The following DOCK2 variants were observed in gnomAD, a reference collection of about 807,000 sequenced individuals.
The protein encoded by DOCK2 is dedicator of cytokinesis protein 2.
In DOCK2, 87 loss-of-function variants were observed where a neutral mutation model predicts 248.9. The observed-to-expected ratio is 0.35, with a 90% CI of 0.29 to 0.42. The LOEUF (loss-of-function observed/expected upper bound fraction) is 0.42, where lower values mean the gene tolerates loss of function less well. DOCK2 is among the 10% of genes least tolerant of loss of function. The pLI is 1.00. For synonymous variants in DOCK2, 805 were observed against 821.6 expected, an observed-to-expected ratio of 0.98 and a Z score of 0.35; for missense variants, 1,747 against 2,300.2, an observed-to-expected ratio of 0.76 and a Z score of 4.92.
intron 27 of DOCK2, among the ~76,000 whole-genome samples, chr5:169,950,737 T>G (rs1180649850): frequency 1.3e-5 from 2 of 152,192 alleles, no homozygotes; most frequent in Non-Finnish European, 2.9e-5. Flanking sequence ...ACAGCATCAT[T>G]TGATCTCTTA....
intron 45 of DOCK2, 116 bp downstream of exon 45, chr5:170,067,802 C>CT: frequency 1.7e-6 from 2 of 1,165,100 alleles, no homozygotes; most frequent in Non-Finnish European, 2.4e-6. Context: ...GTCCTTGTCC[C>CT]CAGAGGGACC....
intron 2 of DOCK2, among the ~76,000 whole-genome samples, chr5:169,659,682 G>C (rs1271769399): frequency 6.6e-6 from 1 of 152,172 alleles, no homozygotes; most frequent in Non-Finnish European, 1.5e-5. Flanking sequence ...GCCATGCTAA[G>C]CCTTAGACAT....
At chr5:170,021,476 T>G (rs1291042517) in intron 33 of DOCK2, among the ~76,000 whole-genome samples, 1 of 152,180 alleles carries the variant, frequency 6.6e-6, no homozygotes, top group East Asian at 1.9e-4. Flanking sequence ...GTTGCCTGGA[T>G]TGTGACCTGA....
Position 169,684,334 on chromosome 5 carries a change from A to G in DOCK2, c.745A>G (p.Lys249Glu), listed in dbSNP as rs759880415. ...CTTCATGTCTCTCTACGACCCCAAC[A>G]AGCAAACGGTCATAAGGTAGGTGTG... ...ELFMSLYDPN[K>E]QTVISENYLV... Residue 249 changes from lysine (K) to glutamate (E), a missense_variant, in exon 8 of 52, where the codon AAG becomes GAG. Coordinates refer to ENST00000520908, the MANE Select transcript of DOCK2 (RefSeq NM_004946.3). 6.2e-7 allele frequency: 1 copy of G among 1,614,156 alleles called. No individual in the cohort carries two copies.
At chr5:170,053,720 T>C (rs61452005) in intron 41 of DOCK2, among the ~76,000 whole-genome samples, 14,528 of 152,244 alleles carry the variant, frequency 0.095, 1,319 homozygotes, top group East Asian at 0.44. Flanking sequence ...TGCCATCTCT[T>C]AAGAAGAGAA....
chr5:170,032,405 C>A (rs1756172469), intron 34 of DOCK2, among the ~76,000 whole-genome samples: 1 of 152,110 alleles, frequency 6.6e-6, no homozygotes, highest in South Asian at 2.1e-4. Flanking sequence ...TGGGTCCCAC[C>A]CTCAAAGATT....
intron 26 of DOCK2, among the ~76,000 whole-genome samples, chr5:169,827,866 A>AC (rs1450939096): frequency 1.6e-4 from 22 of 137,956 alleles, no homozygotes; most frequent in African/African-American, 4.7e-4. Context: ...AAAACATTAA[A>AC]AACACACACA....
chr5:169,811,607 G>A (rs1767763200), intron 26 of DOCK2, among the ~76,000 whole-genome samples: 3 of 152,138 alleles, frequency 2.0e-5, no homozygotes, highest in Admixed American at 2.0e-4. Flanking sequence ...GCCCTCCTGA[G>A]GCCAATGGCA....
chr5:169,716,313 G>C lies in DOCK2; in HGVS notation c.2031+11G>C. 6.2e-7 allele frequency: 1 copy of C among 1,612,642 alleles called. No individual in the cohort carries two copies. The highest frequency in any genetic ancestry group is 8.5e-7 in the Non-Finnish European group (1 of 1,178,840). On this transcript the variant is annotated intron_variant, in intron 20 of 51. Transcript: ENST00000520908. ...GTCTTTGATGCCTTGGTAAGAGAGA[G>C]GGGAAAAGTGTCTAGTGACAACAGG...
intron 27 of DOCK2, among the ~76,000 whole-genome samples, chr5:169,905,213 G>A (rs1774210413): frequency 6.6e-6 from 1 of 152,062 alleles, no homozygotes; most frequent in East Asian, 1.9e-4. Context: ...AGAGAGAAAT[G>A]TGCCACAAAG....
intron 23 of DOCK2, 144 bp from the exon 24 acceptor site, chr5:169,759,561 C>T: frequency 2.4e-6 from 2 of 819,860 alleles, no homozygotes; most frequent in South Asian, 1.9e-5. Context: ...TTTTGATGTC[C>T]ATACAGAGGC....
chr5:170,013,500 CAGAG>C (rs953431999), intron 32 of DOCK2, among the ~76,000 whole-genome samples: 5 of 151,942 alleles, frequency 3.3e-5, no homozygotes, highest in Admixed American at 6.5e-5. Flanking sequence ...AAATCAGAGT[CAGAG>C]AGCAATTTAA....
intron 1 of DOCK2, among the ~76,000 whole-genome samples, chr5:169,641,723 T>G (rs968421778): frequency 2.6e-5 from 4 of 152,104 alleles, no homozygotes; most frequent in African/African-American, 9.7e-5. Flanking sequence ...GTGGTCTCCT[T>G]TCTCTCCCCA....
intron 33 of DOCK2, among the ~76,000 whole-genome samples, chr5:170,025,072 T>C (rs1228321958): frequency 6.6e-6 from 1 of 152,244 alleles, no homozygotes; most frequent in East Asian, 1.9e-4. Flanking sequence ...TCTAGTAACA[T>C]TCGGCAGTAA....
chr5:169,839,542 T>A (rs1425253292), intron 26 of DOCK2, among the ~76,000 whole-genome samples: 1 of 152,198 alleles, frequency 6.6e-6, no homozygotes, highest in Non-Finnish European at 1.5e-5. Context: ...GCCTAAATGC[T>A]ATGCTGGTAA....
intron 27 of DOCK2, among the ~76,000 whole-genome samples, chr5:169,900,191 C>T (rs261057): frequency 3.3e-5 from 5 of 151,974 alleles, no homozygotes; most frequent in South Asian, 2.1e-4. Context: ...CACGGTAAGA[C>T]GCAAGCTTTA....
chr5:169,723,472 G>C (rs60724222), intron 22 of DOCK2, among the ~76,000 whole-genome samples: 3,800 of 152,218 alleles, frequency 0.025, 176 homozygotes, highest in African/African-American at 0.088. Flanking sequence ...ACTTAGCACA[G>C]TGCTGGTCAC....
chr5:169,841,063 A>G (rs1769933122), intron 27 of DOCK2, among the ~76,000 whole-genome samples: 1 of 152,130 alleles, frequency 6.6e-6, no homozygotes, highest in Non-Finnish European at 1.5e-5. Context: ...TGTCTAGTTG[A>G]GTGTACCAGC....
intron 6 of DOCK2, 99 bp from the exon 7 acceptor site, chr5:169,681,645 G>T: frequency 3.5e-6 from 5 of 1,414,032 alleles, no homozygotes; most frequent in South Asian, 1.5e-5. Flanking sequence ...GTGACTATAT[G>T]ACCCCCAGAA....
Sources: allele counts gnomAD v4.1 joint callset (sites outside exome capture counted in the v4.1 genomes callset), GRCh38; gene constraint gnomAD v4.1.1; transcripts MANE v1.5; gene names NCBI Gene and HGNC (gene_info 2026-07-23, HGNC 2026-07-21).